The following COCH variants were observed in gnomAD, a reference collection of about 807,000 sequenced individuals.
COCH encodes cochlin, also known as coagulation factor C homolog, cochlin (Limulus polyphemus).
A neutral mutation model predicts 54.8 loss-of-function variants in COCH; 40 were observed. That is an observed-to-expected ratio of 0.73 (90% CI 0.57 to 0.95). The LOEUF (loss-of-function observed/expected upper bound fraction) is 0.95, where lower values mean the gene tolerates loss of function less well. Among genes scored for constraint, COCH ranks in the 40% least tolerant of loss-of-function variants. The pLI is 0.00. For synonymous variants in COCH, 256 were observed against 237.9 expected, an observed-to-expected ratio of 1.08 and a Z score of -0.70; for missense variants, 605 against 675.0, an observed-to-expected ratio of 0.90 and a Z score of 1.15.
Position 30,886,283 on chromosome 14 carries a change from A to G in COCH, c.1448A>G (p.Gln483Arg), listed in dbSNP as rs779496405. The change falls in exon 11 of 12, where the codon CAA becomes CGA. Residue 483 changes from glutamine to arginine, a missense_variant. Transcript: ENST00000396618. Reference protein sequence around the residue: ...VTDGQSYDDVQGPAAAAHDAG... With the variant: ...VTDGQSYDDVRGPAAAAHDAG... The stretch of plus-strand genomic sequence containing the variant: ...GATGGGCAGTCCTATGATGATGTCC[A>G]AGGCCCTGCAGCTGCTGCACATGAT... 1.9e-6 allele frequency: 3 copies of G among 1,614,180 alleles called. No homozygotes were observed. Among genetic ancestry groups the G allele is most frequent in the Non-Finnish European group, 2.5e-6 (3 of 1,180,010 alleles).
At position 30,877,574 on chromosome 14, in the gene COCH, C is replaced by A. The variant is rs1310444269; in HGVS notation, c.85C>A (p.Pro29Thr). 1 of 1,614,014 alleles carries A rather than the reference C, an allele frequency of 6.2e-7. No homozygotes were observed. The highest frequency in any genetic ancestry group is 8.5e-7 in the Non-Finnish European group (1 of 1,180,034). The change falls in exon 4 of 12, where the codon CCC becomes ACC. Residue 29 changes from proline (P) to threonine (T), a missense_variant and splice_region_variant. Pro to Thr is a conservative substitution (Grantham distance 38). Coordinates refer to ENST00000396618, the MANE Select transcript of COCH (RefSeq NM_004086.3). This position sits in a 1 kb window ranked among gnomAD's most constrained non-coding sequence, Gnocchi z 8.6. ...PGPAGSEGAA[P>T]IAITCFTRGL... ...AATATTATCTCCTTTTTCTTCAGCT[C>A]CCATTGCTATCACATGTTTTACCAG...
chr14:30,886,119 G>T lies in COCH; in HGVS notation c.1284G>T (p.Glu428Asp). 1 of 1,613,852 alleles carries T rather than the reference G, an allele frequency of 6.2e-7. No homozygotes were observed. The highest frequency in any genetic ancestry group is 8.5e-7 in the Non-Finnish European group (1 of 1,179,708). ...EFSFTDYSTKENVLAVIRNIR... is the reference protein window; with the variant it reads ...EFSFTDYSTKDNVLAVIRNIR... ...GTTTCACTGACTATAGCACCAAAGAGAATGTCCTAGCTGTCATCAGAAACA... is the reference window on the plus strand; with the variant it reads ...GTTTCACTGACTATAGCACCAAAGATAATGTCCTAGCTGTCATCAGAAACA... Residue 428 changes from glutamate (E) to aspartate (D), a missense_variant, in exon 11 of 12, where the codon GAG (glutamate) becomes GAT (aspartate). Coordinates refer to ENST00000396618, the MANE Select transcript of COCH (RefSeq NM_004086.3).
At chr14:30,880,061 A>G (rs564937912) in intron 6 of COCH, among the ~76,000 whole-genome samples, 2 of 152,356 alleles carry the variant, frequency 1.3e-5, no homozygotes, top group East Asian at 3.9e-4. Flanking sequence ...TTGCTTCATT[A>G]AATTCCTTTA....
chr14:30,886,295 C>A lies in COCH; in HGVS notation c.1460C>A (p.Ala487Asp). The A allele has an allele frequency of 2.5e-6, 4 of 1,614,148 alleles. No homozygotes were observed. The highest frequency in any genetic ancestry group is 1.7e-5 in the Admixed American group (1 of 60,022). Residue 487 changes from alanine (A) to aspartate (D), a missense_variant, in exon 11 of 12, where the codon GCT becomes GAT. Physicochemically the swap from Ala to Asp is moderately radical, Grantham distance 126 (BLOSUM62 -2). Transcript: ENST00000396618. ...TATGATGATGTCCAAGGCCCTGCAG[C>A]TGCTGCACATGATGCAGGTAAGGTC... The part of the protein sequence containing the change: ...QSYDDVQGPA[A>D]AAHDAGITIF...
At position 30,877,801 on chromosome 14, in the gene COCH, AT is replaced by A. The variant is rs1361031106; in HGVS notation, c.239+74del. ...TTCCTTTCCTGCTTTACCCATCTGG[AT>A]CCCTTTCCTCCCTGCATTCTTTCTT... On this transcript the variant is annotated intron_variant, in intron 4 of 11. Transcript: ENST00000396618. This position sits in a 1 kb window ranked among gnomAD's most constrained non-coding sequence, Gnocchi z 8.6. The A allele has an allele frequency of 4.7e-5, 76 of 1,603,964 alleles. No homozygotes were observed. Among genetic ancestry groups the A allele is most frequent in the African/African-American group, 3.3e-4 (24 of 73,000 alleles).
chr14:30,884,813 T>C (rs1039549513), intron 9 of COCH, 157 bp downstream of exon 9: 6 of 1,370,654 alleles, frequency 4.4e-6, no homozygotes, highest in Non-Finnish European at 5.9e-6. Context: ...AGATAAATTT[T>C]CAATTTATAA....
At chr14:30,892,664 A>G (rs187662917), downstream of COCH, among the ~76,000 whole-genome samples, 470 of 152,154 alleles carry the variant, frequency 3.1e-3, 2 homozygotes, top group African/African-American at 0.011. Context: ...AAAATTAACC[A>G]GGTATGGTGG....
chr14:30,894,444 A>G (rs1360389524), downstream of COCH: 1 of 150,074 alleles, frequency 6.7e-6, no homozygotes, highest in Non-Finnish European at 1.5e-5. Context: ...AGTGAAATAA[A>G]TAATAGGCCA....
In COCH at chr14:30,886,347, G is replaced by GA. The variant is rs28362780; in HGVS notation, c.1477+41dup. ...TTGTTCTTTATAGGAGAAGGGAACAGAAAAAACGGTTCAGTGAATTTAGGA... is the reference window on the plus strand; with the variant it reads ...TTGTTCTTTATAGGAGAAGGGAACAGAAAAAAACGGTTCAGTGAATTTAGGA... On this transcript the variant is annotated intron_variant, in intron 11 of 11. Coordinates refer to ENST00000396618, the MANE Select transcript of COCH (RefSeq NM_004086.3). 5,408 of 1,610,568 alleles carry GA rather than the reference G, an allele frequency of 3.4e-3. 186 individuals carry two copies. In the African/African-American group the frequency reaches 0.064, roughly 19 times the overall value.
intron 8 of COCH, among the ~76,000 whole-genome samples, chr14:30,883,959 TTG>T (rs1895696471): frequency 6.6e-6 from 1 of 152,190 alleles, no homozygotes; most frequent in African/African-American, 2.4e-5. Context: ...ATCAATGAAA[TTG>T]TTTCTCCTGA....
Position 30,875,084 on chromosome 14 carries a change from C to T in COCH, c.63C>T (p.Pro21=). 1.3e-6 allele frequency: 2 copies of T among 1,586,098 alleles called. No homozygotes were observed. Among genetic ancestry groups the T allele is most frequent in the Non-Finnish European group, 1.7e-6 (2 of 1,166,906 alleles). The change falls in exon 3 of 12, where the codon CCC becomes CCT. Residue 21 remains proline (P), a synonymous_variant. Transcript: ENST00000396618. ...TGTGTCTGCTGCTGCTGCCGGGGCCCGCGGGCAGCGAGGGAGCCGGTGAGT... is the reference window on the plus strand; with the variant it reads ...TGTGTCTGCTGCTGCTGCCGGGGCCTGCGGGCAGCGAGGGAGCCGGTGAGT... ...LGVCLLLLPG[P]AGSEGAAPIA...
Position 30,884,628 on chromosome 14 carries a change from A to G in COCH, c.705A>G (p.Val235=), listed in dbSNP as rs372549728. The change falls in exon 9 of 12, where the codon GTA becomes GTG. Residue 235 remains valine, a synonymous_variant. Coordinates refer to ENST00000396618, the MANE Select transcript of COCH (RefSeq NM_004086.3). ...AKDVLFAIKE[V]GFRGGNSNTG... is the part of the protein sequence containing the mutation. ...ATGTTTTGTTTGCCATAAAGGAAGT[A>G]GGTTTCAGAGGGGGTAATTCCAATA... is the stretch of plus-strand genomic sequence containing the variant. The G allele has an allele frequency of 6.2e-7, 1 of 1,613,114 alleles. No individual in the cohort carries two copies. Among genetic ancestry groups the G allele is most frequent in the Non-Finnish European group, 8.5e-7 (1 of 1,179,290 alleles).
rs146125889 is a variant in COCH at position 30,875,327 on chromosome 14, G to T, written c.82+224G>T. ...GGGGGCCCCTGGGGTCCAGTGGGGGGACGTTCTCCAAGAGCACTAGGAAGA... is the reference window on the plus strand; with the variant it reads ...GGGGGCCCCTGGGGTCCAGTGGGGGTACGTTCTCCAAGAGCACTAGGAAGA... On this transcript the variant is annotated intron_variant, in intron 3 of 11. Transcript: ENST00000396618. The T allele has an allele frequency of 3.2e-3, 2,073 of 645,864 alleles. 8 individuals carry two copies. Among genetic ancestry groups the T allele is most frequent in the Non-Finnish European group, 4.6e-3 (1,727 of 376,880 alleles). 40.0% of individuals were successfully genotyped at this position (645,864 alleles called of 1,614,324 possible). A position where few individuals can be genotyped will look rare whatever the true frequency, so the allele number is the denominator to read the frequency against.
rs1406517629 is a variant in COCH, at chr14:30,889,655, T to C, written c.1517T>C (p.Leu506Pro). 1.2e-6 allele frequency: 2 copies of C among 1,614,128 alleles called. No individual in the cohort carries two copies. Among genetic ancestry groups the C allele is most frequent in the Admixed American group, 1.7e-5 (1 of 60,026 alleles). Residue 506 changes from leucine (L) to proline (P), a missense_variant, in exon 12 of 12, where the codon CTG (leucine) becomes CCG (proline). Coordinates refer to ENST00000396618, the MANE Select transcript of COCH (RefSeq NM_004086.3). ...TCTGTTGGTGTGGCTTGGGCACCTC[T>C]GGATGACCTGAAAGATATGGCTTCT... ...IFSVGVAWAP[L>P]DDLKDMASKP...
Position 30,886,274 on chromosome 14 carries a change from A to G in COCH, c.1439A>G (p.Asp480Gly). Residue 480 changes from aspartate to glycine, a missense_variant, in exon 11 of 12, where the codon GAT (aspartate) becomes GGT (glycine). Coordinates refer to ENST00000396618, the MANE Select transcript of COCH (RefSeq NM_004086.3). The part of the protein sequence containing the change: ...LVIVTDGQSY[D>G]DVQGPAAAAH... Reference sequence around the variant, plus strand: ...ATTGTCACAGATGGGCAGTCCTATGATGATGTCCAAGGCCCTGCAGCTGCT... The same window carrying G: ...ATTGTCACAGATGGGCAGTCCTATGGTGATGTCCAAGGCCCTGCAGCTGCT... The G allele has an allele frequency of 6.2e-7, 1 of 1,614,184 alleles. No homozygotes were observed. The highest frequency in any genetic ancestry group is 8.5e-7 in the Non-Finnish European group (1 of 1,180,026).
At chr14:30,895,337 A>ATG, downstream of COCH, 1 of 1,454,970 alleles carries the variant, frequency 6.9e-7, no homozygotes, top group Non-Finnish European at 9.2e-7. Flanking sequence ...CATATCAGTA[A>ATG]CCTTTCTGAT....
chr14:30,890,584 A>G lies in COCH; in HGVS notation c.*793A>G. ...GCAGAAAAAATATTGTAGTTTGAAT[A>G]TTTAAGCAATAAAACTGCTAGTGAG... On this transcript the variant is annotated 3_prime_UTR_variant, in exon 12 of 12. Coordinates refer to ENST00000396618, the MANE Select transcript of COCH (RefSeq NM_004086.3). 1 of 972,434 alleles carries G rather than the reference A, an allele frequency of 1.0e-6. No homozygotes were observed. The highest frequency in any genetic ancestry group is 1.2e-6 in the Non-Finnish European group (1 of 817,792). The allele number at this position is 972,434 out of a possible 1,614,324, so 60.2% of individuals were successfully genotyped here. A position where few individuals can be genotyped will look rare whatever the true frequency, so the allele number is the denominator to read the frequency against.
rs776467069 is a variant in COCH at position 30,886,151 on chromosome 14, A to C, written c.1316A>C (p.Tyr439Ser). 1 of 1,612,004 alleles carries C rather than the reference A, an allele frequency of 6.2e-7. No individual in the cohort carries two copies. ...NVLAVIRNIRYMSGGTATGDA... is the reference protein window; with the variant it reads ...NVLAVIRNIRSMSGGTATGDA... ...CTAGCTGTCATCAGAAACATCCGCT[A>C]TATGAGTGGTGGAACAGCTACTGGT... Residue 439 changes from tyrosine (Y) to serine (S), a missense_variant, in exon 11 of 12, where the codon TAT (tyrosine) becomes TCT (serine). Coordinates refer to ENST00000396618, the MANE Select transcript of COCH (RefSeq NM_004086.3).
At chr14:30,890,810 G>A (rs1229350821), downstream of COCH, among the ~76,000 whole-genome samples, 1 of 152,142 alleles carries the variant, frequency 6.6e-6, no homozygotes, top group Non-Finnish European at 1.5e-5. Context: ...GGCTGAAGCA[G>A]GAGGACTGCT....
Sources: gnomAD v4.1 joint callset for allele counts (sites outside exome capture counted in the v4.1 genomes callset) on GRCh38, gnomAD v4.1.1 for gene constraint, Gnocchi (gnomAD v3.1) non-coding constraint, MANE v1.5 for transcripts, NCBI Gene and HGNC (gene_info 2026-07-23, HGNC 2026-07-21) for gene names.